AGBL4: variants seen among roughly 807,000 people sequenced by gnomAD.
AGBL4 encodes the protein cytosolic carboxypeptidase 6.
In AGBL4, 58 loss-of-function variants were observed where a neutral mutation model predicts 66.4. That is an observed-to-expected ratio of 0.87 (90% CI 0.71 to 1.09). The LOEUF is 1.09. Ranked by LOEUF, AGBL4 falls within the 50% of genes least tolerant of loss-of-function variation. The pLI, the probability that AGBL4 is intolerant of heterozygous loss-of-function variation, is 0.00. For synonymous variants in AGBL4, 234 were observed against 222.9 expected, an observed-to-expected ratio of 1.05 and a Z score of -0.44; for missense variants, 579 against 631.0, an observed-to-expected ratio of 0.92 and a Z score of 0.88.
intron 5 of AGBL4, among the ~76,000 whole-genome samples, chr1:48,978,104 T>C (rs1659484352): frequency 1.3e-5 from 2 of 152,154 alleles, no homozygotes; most frequent in Non-Finnish European, 2.9e-5. Flanking sequence ...TTTATGCATA[T>C]GAAAATTAGT....
At chr1:49,054,422 G>A (rs1410588063) in intron 4 of AGBL4, among the ~76,000 whole-genome samples, 2 of 151,860 alleles carry the variant, frequency 1.3e-5, no homozygotes, top group African/African-American at 4.8e-5. Context: ...TTATTTTAGG[G>A]CAATATGAAT....
chr1:48,803,360 T>C (rs1645851382), intron 6 of AGBL4, among the ~76,000 whole-genome samples: 1 of 152,196 alleles, frequency 6.6e-6, no homozygotes, highest in Non-Finnish European at 1.5e-5. Context: ...GAGCTCAAGC[T>C]TACACCAATC....
At chr1:48,719,596 C>T (rs779783065) in intron 6 of AGBL4, among the ~76,000 whole-genome samples, 17 of 152,242 alleles carry the variant, frequency 1.1e-4, no homozygotes, top group African/African-American at 3.6e-4. Context: ...ACCCACCTCT[C>T]CAGCCTCATC....
chr1:49,148,625 C>T (rs1388851313), intron 4 of AGBL4, among the ~76,000 whole-genome samples: 2 of 152,168 alleles, frequency 1.3e-5, no homozygotes, highest in Non-Finnish European at 2.9e-5. Flanking sequence ...ATGTCCTGAG[C>T]CCTGGTTCCT....
At chr1:48,970,181 C>A (rs1658790133) in intron 5 of AGBL4, among the ~76,000 whole-genome samples, 1 of 152,128 alleles carries the variant, frequency 6.6e-6, no homozygotes, top group African/African-American at 2.4e-5. Flanking sequence ...ATGAGGTCAG[C>A]ACCAGAAAGG....
chr1:49,847,747 G>C (rs1410783969), intron 2 of AGBL4, among the ~76,000 whole-genome samples: 1 of 151,358 alleles, frequency 6.6e-6, no homozygotes, highest in East Asian at 1.9e-4. Flanking sequence ...TGTCACCCAG[G>C]CTGGAGGGCA....
chr1:48,705,132 C>T (rs903769169), intron 6 of AGBL4, among the ~76,000 whole-genome samples: 15 of 152,140 alleles, frequency 9.9e-5, no homozygotes, highest in Non-Finnish European at 1.3e-4. Flanking sequence ...ACGACTATAA[C>T]TGTATGTCAC....
intron 6 of AGBL4, among the ~76,000 whole-genome samples, chr1:48,699,788 C>A (rs1036871234): frequency 6.6e-6 from 1 of 152,104 alleles, no homozygotes; most frequent in Non-Finnish European, 1.5e-5. Context: ...ATCTTATTTC[C>A]CATTTCCTCC....
intron 3 of AGBL4, among the ~76,000 whole-genome samples, chr1:49,606,578 T>C (rs538714334): frequency 6.6e-6 from 1 of 152,304 alleles, no homozygotes; most frequent in East Asian, 1.9e-4. Context: ...GGACCTGTCC[T>C]GATTCATTCT....
At chr1:48,598,125 C>G (rs568681229) in intron 9 of AGBL4, among the ~76,000 whole-genome samples, 1 of 152,316 alleles carries the variant, frequency 6.6e-6, no homozygotes, top group South Asian at 2.1e-4. Flanking sequence ...CCAGATCACA[C>G]AGGGCCTTGA....
chr1:49,327,307 GTTCTCTTATT>G (rs775350258), intron 3 of AGBL4, among the ~76,000 whole-genome samples: 3 of 152,178 alleles, frequency 2.0e-5, no homozygotes, highest in Non-Finnish European at 4.4e-5. Flanking sequence ...CTGCATCTCA[GTTCTCTTATT>G]TGCAAGATGA....
chr1:49,900,047 A>T lies in AGBL4; in HGVS notation c.35-48529T>A, dbSNP rs116116688. Among the ~76,000 whole-genome samples the T allele has an allele frequency of 5.3e-3, 807 of 152,118 alleles. 3 individuals carry two copies. The highest frequency in any genetic ancestry group is 0.017 in the Middle Eastern group (5 of 294). On this transcript the variant is annotated intron_variant, in intron 1 of 13. Coordinates refer to ENST00000371839, the MANE Select transcript of AGBL4 (RefSeq NM_032785.4). The stretch of plus-strand genomic sequence containing the variant: ...ACAGAGCAAGACTCCATCTCAAAAA[A>T]AAAAGTTTGCTCAATAATTGGGTAG...
chr1:49,381,650 G>C (rs1644613231), intron 3 of AGBL4, among the ~76,000 whole-genome samples: 1 of 152,016 alleles, frequency 6.6e-6, no homozygotes, highest in Non-Finnish European at 1.5e-5. Flanking sequence ...TATACACCAT[G>C]GAATACTATG....
At chr1:49,834,053 T>G (rs1645777037) in intron 2 of AGBL4, among the ~76,000 whole-genome samples, 1 of 152,164 alleles carries the variant, frequency 6.6e-6, no homozygotes, top group Non-Finnish European at 1.5e-5. Context: ...TCTTTCTTTG[T>G]TGTGTCTCTG....
chr1:49,415,939 C>T (rs1645417624), intron 3 of AGBL4, among the ~76,000 whole-genome samples: 1 of 152,060 alleles, frequency 6.6e-6, no homozygotes, highest in South Asian at 2.1e-4. Flanking sequence ...GCTTATAGGA[C>T]ATGCAGAAAC....
chr1:49,395,776 C>A (rs138632908), intron 3 of AGBL4, among the ~76,000 whole-genome samples: 6,345 of 130,234 alleles, frequency 0.049, 500 homozygotes, highest in African/African-American at 0.17. Context: ...CATATATATA[C>A]ATGTGTATAT....
chr1:48,546,146 A>G (rs1198902842), intron 11 of AGBL4, among the ~76,000 whole-genome samples: 1 of 152,240 alleles, frequency 6.6e-6, no homozygotes, highest in Non-Finnish European at 1.5e-5. Flanking sequence ...TACTATCACC[A>G]ATCCTCACCA....
At chr1:48,725,523 T>C (rs1278538655) in intron 6 of AGBL4, among the ~76,000 whole-genome samples, 1 of 152,224 alleles carries the variant, frequency 6.6e-6, no homozygotes, top group East Asian at 1.9e-4. Context: ...TTGTTTTCCA[T>C]TGACTAATAC....
At chr1:49,846,071 G>C in intron 2 of AGBL4, 2 of 1,575,506 alleles carry the variant, frequency 1.3e-6, no homozygotes, top group Non-Finnish European at 1.7e-6. Context: ...GATCCACACA[G>C]GAGAGAAACC....
Sources: allele counts gnomAD v4.1 joint callset (sites outside exome capture counted in the v4.1 genomes callset), GRCh38; gene constraint gnomAD v4.1.1; transcripts MANE v1.5; gene names NCBI Gene and HGNC (gene_info 2026-07-23, HGNC 2026-07-21).